Variants in ELMO1 observed in about 807,000 individuals in gnomAD.
ELMO1 encodes the protein engulfment and cell motility 1, also known as engulfment and cell motility protein 1.
Under a neutral mutation model 98.9 loss-of-function variants are expected in ELMO1, and 26 were observed. That is an observed-to-expected ratio of 0.26 (90% confidence interval 0.19 to 0.36). ELMO1 has a LOEUF of 0.36. Among genes scored for constraint, ELMO1 ranks in the 10% least tolerant of loss-of-function variants. The pLI is 1.00. For missense variants in ELMO1, 627 were observed against 935.2 expected, an observed-to-expected ratio of 0.67 and a Z score of 4.30; for synonymous variants, 346 against 346.0, an observed-to-expected ratio of 1.00 and a Z score of 0.00.
At chr7:37,179,815 T>G (rs1275626158) in intron 13 of ELMO1, among the ~76,000 whole-genome samples, 4 of 152,154 alleles carry the variant, frequency 2.6e-5, no homozygotes, top group Non-Finnish European at 5.9e-5. Context: ...CAATTTATTC[T>G]CAAGGTAGCG....
intron 14 of ELMO1, among the ~76,000 whole-genome samples, chr7:37,113,848 C>A (rs73692617): frequency 0.017 from 2,563 of 152,258 alleles, 77 homozygotes; most frequent in African/African-American, 0.059. Context: ...GGAGAGGCAG[C>A]AAGAGGGCAG....
intron 1 of ELMO1, among the ~76,000 whole-genome samples, chr7:37,408,553 T>C (rs891856294): frequency 6.6e-6 from 1 of 152,192 alleles, no homozygotes; most frequent in Non-Finnish European, 1.5e-5. Context: ...GGTAGGAATA[T>C]ACATGCAATG....
chr7:36,907,809 G>A (rs181693331), intron 16 of ELMO1, among the ~76,000 whole-genome samples: 13 of 152,218 alleles, frequency 8.5e-5, no homozygotes, highest in Admixed American at 3.3e-4. Flanking sequence ...AATCTATCAC[G>A]GCACTTCTTT....
Position 37,303,555 on chromosome 7 carries a change from C to A in ELMO1, c.192+11295G>T, listed in dbSNP as rs562553409. Among the ~76,000 whole-genome samples, 5 of 152,200 alleles carry A rather than the reference C, an allele frequency of 3.3e-5. No individual in the cohort carries two copies. The South Asian group carries it at 1.0e-3, about 32-fold the overall frequency. The stretch of plus-strand genomic sequence containing the variant: ...GAAACAAATTATAAGAATCACAGAG[C>A]CATTCTTAGAAGTAATCTTCTTTAC... On this transcript the variant is annotated intron_variant, in intron 4 of 21. Coordinates refer to ENST00000310758, the MANE Select transcript of ELMO1 (RefSeq NM_014800.11).
chr7:37,067,138 C>T (rs1241055673), intron 15 of ELMO1, among the ~76,000 whole-genome samples: 1 of 152,146 alleles, frequency 6.6e-6, no homozygotes, highest in East Asian at 1.9e-4. Flanking sequence ...AGAAACTCAT[C>T]CATTCATTTT....
In ELMO1 at chr7:37,164,173, T is replaced by G. The variant is rs1478796581; in HGVS notation, c.1087-30939A>C. Reference sequence around the variant, plus strand: ...GTCTGTTCATATCCTTTGCCCACTTTTTCATGGGGTTGTTTGTTATTTCTT... The same window carrying G: ...GTCTGTTCATATCCTTTGCCCACTTGTTCATGGGGTTGTTTGTTATTTCTT... On this transcript the variant is annotated intron_variant, in intron 13 of 21. Transcript: ENST00000310758. Among the ~76,000 whole-genome samples, 4 of 152,230 alleles carry G rather than the reference T, an allele frequency of 2.6e-5. No individual in the cohort carries two copies. The East Asian group carries it at 7.7e-4, about 29-fold the overall frequency.
intron 14 of ELMO1, among the ~76,000 whole-genome samples, chr7:37,102,903 G>T (rs1784715809): frequency 6.6e-6 from 1 of 152,156 alleles, no homozygotes; most frequent in Non-Finnish European, 1.5e-5. Context: ...GCCTTCACAT[G>T]GTCACAAAGG....
intron 1 of ELMO1, among the ~76,000 whole-genome samples, chr7:37,348,754 C>T (rs1373764260): frequency 6.6e-6 from 1 of 152,148 alleles, no homozygotes; most frequent in Admixed American, 6.5e-5. Context: ...CCAAGTTCAA[C>T]ATGCCTCTTG....
intron 13 of ELMO1, among the ~76,000 whole-genome samples, chr7:37,162,518 G>A (rs529034232): frequency 9.8e-5 from 15 of 152,304 alleles, no homozygotes; most frequent in African/African-American, 3.4e-4. Flanking sequence ...CATCTCTGCA[G>A]ATCACTATGA....
chr7:37,142,610 G>A lies in ELMO1; in HGVS notation c.1087-9376C>T, dbSNP rs535563248. On this transcript the variant is annotated intron_variant, in intron 13 of 21. Coordinates refer to ENST00000310758, the MANE Select transcript of ELMO1 (RefSeq NM_014800.11). Reference sequence around the variant, plus strand: ...TTAGAAGTTGAATGCGTTTATTTTGGTACTGCTAGCATTTAGACTTTACAT... The same window carrying A: ...TTAGAAGTTGAATGCGTTTATTTTGATACTGCTAGCATTTAGACTTTACAT... 3.0e-4 allele frequency among the ~76,000 whole-genome samples: 46 copies of A among 152,158 alleles called. 1 individual carries two copies. In the South Asian group the frequency reaches 9.6e-3, roughly 32 times the overall value.
At chr7:36,903,956 C>G (rs1003397713) in intron 16 of ELMO1, among the ~76,000 whole-genome samples, 4 of 152,206 alleles carry the variant, frequency 2.6e-5, no homozygotes, top group African/African-American at 9.6e-5. Flanking sequence ...TTGGGCGGGT[C>G]CCTCAGACAC....
chr7:37,118,652 G>A (rs574231077), intron 14 of ELMO1, among the ~76,000 whole-genome samples: 8 of 152,146 alleles, frequency 5.3e-5, no homozygotes, highest in Admixed American at 6.5e-5. Context: ...ATGTGCTGGC[G>A]GTGTGCTCAG....
chr7:37,412,265 G>C (rs1804021985), intron 1 of ELMO1, among the ~76,000 whole-genome samples: 1 of 152,222 alleles, frequency 6.6e-6, no homozygotes, highest in East Asian at 1.9e-4. Context: ...ATGGCTTCCA[G>C]AGAGTTCTAT....
intron 15 of ELMO1, among the ~76,000 whole-genome samples, chr7:37,075,698 T>C (rs1394498705): frequency 6.6e-6 from 1 of 152,028 alleles, no homozygotes; most frequent in Admixed American, 6.5e-5. Flanking sequence ...CAAGAAGCCC[T>C]TCTAGGAGGG....
At chr7:37,243,638 TTC>T (rs1442275413) in intron 7 of ELMO1, among the ~76,000 whole-genome samples, 1 of 152,198 alleles carries the variant, frequency 6.6e-6, no homozygotes, top group Non-Finnish European at 1.5e-5. Flanking sequence ...GATGAGGATT[TTC>T]TCTGAGAGCT....
intron 4 of ELMO1, among the ~76,000 whole-genome samples, chr7:37,282,951 AAAAG>A (rs1178120910): frequency 1.3e-5 from 2 of 152,242 alleles, no homozygotes; most frequent in Non-Finnish European, 2.9e-5. Flanking sequence ...CAAAGCCAAA[AAAAG>A]AAAGAACAAG....
At chr7:37,120,727 G>A (rs986170844) in intron 14 of ELMO1, among the ~76,000 whole-genome samples, 1 of 152,200 alleles carries the variant, frequency 6.6e-6, no homozygotes, top group African/African-American at 2.4e-5. Context: ...AAAGGCAGCA[G>A]AAATCTCCGC....
At chr7:37,241,535 C>G (rs1161287002) in intron 7 of ELMO1, among the ~76,000 whole-genome samples, 8 of 152,056 alleles carry the variant, frequency 5.3e-5, no homozygotes, top group Admixed American at 5.2e-4. Flanking sequence ...TGAAGTCAAC[C>G]AACTTGTTTT....
chr7:37,156,688 C>A lies in ELMO1; in HGVS notation c.1087-23454G>T, dbSNP rs563421597. On this transcript the variant is annotated intron_variant, in intron 13 of 21. Coordinates refer to ENST00000310758, the MANE Select transcript of ELMO1 (RefSeq NM_014800.11). ...ATTTAGGCAGTAATAGCCTACCAAC[C>A]AAAAAAAGTCCAGGACCAGAAAGAT... 5.1e-4 allele frequency among the ~76,000 whole-genome samples: 78 copies of A among 152,062 alleles called. 1 individual carries two copies. Among genetic ancestry groups the A allele is most frequent in the Non-Finnish European group, 1.8e-4 (12 of 67,948 alleles).
Sources: allele counts gnomAD v4.1 joint callset (sites outside exome capture counted in the v4.1 genomes callset), GRCh38; gene constraint gnomAD v4.1.1; transcripts MANE v1.5; gene names NCBI Gene and HGNC (gene_info 2026-07-23, HGNC 2026-07-21).